Variants in KCTD13 observed in about 807,000 individuals in gnomAD.
The protein encoded by KCTD13 is BTB/POZ domain-containing adapter for CUL3-mediated RhoA degradation protein 1.
KCTD13 carries 15 observed loss-of-function variants against 32.3 expected under a neutral mutation model. The ratio of observed to expected loss-of-function variants is 0.46; its 90% CI spans 0.31 to 0.71. KCTD13 has a LOEUF of 0.71. Ranked by LOEUF, KCTD13 falls within the 30% of genes least tolerant of loss-of-function variation. The probability of loss-of-function intolerance (pLI) is 0.05; values close to 1 mark genes in which losing one functional copy is unlikely to be tolerated. For synonymous variants in KCTD13, 189 were observed against 200.1 expected (o/e 0.94, Z 0.47); for missense variants, 337 against 452.6 (o/e 0.74, Z 2.32).
At chr16:29,923,508 C>T (rs1411315292) in intron 1 of KCTD13, 149 bp from the exon 2 acceptor site, 8 of 651,142 alleles carry the variant, frequency 1.2e-5, no homozygotes, top group African/African-American at 1.1e-4. Flanking sequence ...CCTCCCATCT[C>T]GGCCTCCCAA....
At chr16:29,914,298 C>T (rs1402380507) in intron 2 of KCTD13, 3 of 152,174 alleles carry the variant, frequency 2.0e-5, no homozygotes, top group Non-Finnish European at 4.4e-5. Flanking sequence ...GCCAAATATA[C>T]TCACCACCTT....
rs372116603 is a variant in KCTD13, at chr16:29,926,175, G to C, written c.-142C>G. On this transcript the variant is annotated 5_prime_UTR_variant, in exon 1 of 6. Transcript: ENST00000568000. ...CTCACCGCAGCTACTCTGCAAGACC[G>C]GCCCTCCGCCCCATCTCGCTCGCAC... The C allele has an allele frequency of 4.2e-5, 41 of 986,424 alleles. No individual in the cohort carries two copies. Among genetic ancestry groups the C allele is most frequent in the Non-Finnish European group, 5.1e-5 (37 of 725,920 alleles). The allele number at this position is 986,424 out of a possible 1,614,324, so 61.1% of individuals were successfully genotyped here.
chr16:29,922,865 T>C, intron 2 of KCTD13: 1 of 413,056 alleles, frequency 2.4e-6, no homozygotes, highest in Non-Finnish European at 4.3e-6. Flanking sequence ...CTATTTAGGA[T>C]TTCTAAGCAA....
At chr16:29,922,616 A>C (rs1300295471) in intron 2 of KCTD13, 1 of 162,122 alleles carries the variant, frequency 6.2e-6, no homozygotes, top group Non-Finnish European at 1.3e-5. Flanking sequence ...GGTCCACAAA[A>C]GTGGAGCCTA....
chr16:29,923,895 C>T (rs948989558), intron 1 of KCTD13, among the ~76,000 whole-genome samples: 1 of 151,046 alleles, frequency 6.6e-6, no homozygotes, highest in East Asian at 1.9e-4. Context: ...GAAAAGAAGG[C>T]CGGGCACGGT....
At chr16:29,920,234 G>C (rs912440136) in intron 2 of KCTD13, 1 of 152,148 alleles carries the variant, frequency 6.6e-6, no homozygotes, top group Non-Finnish European at 1.5e-5. Context: ...TGAGGCAGGA[G>C]AATCACTTGA....
chr16:29,916,321 T>G (rs1394728786), intron 2 of KCTD13, among the ~76,000 whole-genome samples: 1 of 151,828 alleles, frequency 6.6e-6, no homozygotes, highest in Non-Finnish European at 1.5e-5. Flanking sequence ...ACTCCTGAAC[T>G]CAAGTGATCC....
intron 2 of KCTD13, among the ~76,000 whole-genome samples, chr16:29,915,724 GATT>G (rs2068798520): frequency 6.6e-6 from 1 of 152,138 alleles, no homozygotes; most frequent in Admixed American, 6.6e-5. Context: ...TCAGAAGCGT[GATT>G]ATTATTTCAT....
chr16:29,911,722 G>GC, intron 4 of KCTD13, 93 bp downstream of exon 4: 5 of 1,352,462 alleles, frequency 3.7e-6, no homozygotes, highest in Admixed American at 1.9e-5. Context: ...GTTCTTGTAG[G>GC]CCCCCCGTGT....
Position 29,923,300 on chromosome 16 carries a change from C to A in KCTD13, c.304G>T (p.Asp102Tyr). 6.2e-7 allele frequency: 1 copy of A among 1,614,172 alleles called. No homozygotes were observed. The highest frequency in any genetic ancestry group is 8.5e-7 in the Non-Finnish European group (1 of 1,180,028). Reference sequence around the variant, plus strand: ...CTCTCCGGCAGTGGCACAGACCCATCCCGCAGGTAATTGAGGATTGTACCA... The same window carrying A: ...CTCTCCGGCAGTGGCACAGACCCATACCGCAGGTAATTGAGGATTGTACCA... Reference protein sequence around the residue: ...HFGTILNYLRDGSVPLPESTR... With the variant: ...HFGTILNYLRYGSVPLPESTR... The change falls in exon 2 of 6, where the codon GAT (aspartate) becomes TAT (tyrosine). Residue 102 changes from aspartate to tyrosine, a missense_variant. By Grantham distance (160) the Asp-to-Tyr change is radical (BLOSUM62 -3). Coordinates refer to ENST00000568000, the MANE Select transcript of KCTD13 (RefSeq NM_178863.5).
At position 29,925,927 on chromosome 16, in the gene KCTD13, A is replaced by G; in HGVS notation, c.107T>C (p.Leu36Pro). The G allele has an allele frequency of 1.2e-6, 2 of 1,613,982 alleles. No homozygotes were observed. ...CTTCACGTATTTGCTGTTCGGGGTC[A>G]GCGGCTTGAGACCGTAGGCGGCGGG... Reference protein sequence around the residue: ...PGPAAYGLKPLTPNSKYVKLN... With the variant: ...PGPAAYGLKPPTPNSKYVKLN... Residue 36 changes from leucine to proline, a missense_variant, in exon 1 of 6, where the codon CTG (leucine) becomes CCG (proline). Transcript: ENST00000568000.
At chr16:29,911,782 G>T in intron 4 of KCTD13, 33 bp downstream of exon 4, 1 of 1,609,972 alleles carries the variant, frequency 6.2e-7, no homozygotes, top group Non-Finnish European at 8.5e-7. Context: ...GCATCCCAGG[G>T]TCCCGCCCAG....
At chr16:29,917,427 G>A (rs2068829655) in intron 2 of KCTD13, among the ~76,000 whole-genome samples, 1 of 151,966 alleles carries the variant, frequency 6.6e-6, no homozygotes, top group Non-Finnish European at 1.5e-5. Context: ...TGGGCAGATC[G>A]CTTGAGCTCA....
chr16:29,921,021 T>C (rs2068901965), intron 2 of KCTD13: 1 of 152,020 alleles, frequency 6.6e-6, no homozygotes, highest in South Asian at 2.1e-4. Context: ...GAACAAAATA[T>C]GGTGAATGAA....
At chr16:29,917,779 GAAAAATA>G (rs2068836017) in intron 2 of KCTD13, among the ~76,000 whole-genome samples, 2 of 149,986 alleles carry the variant, frequency 1.3e-5, no homozygotes, top group African/African-American at 2.4e-5. Flanking sequence ...ACTCCATTTA[GAAAAATA>G]AAAAATAAAA....
intron 2 of KCTD13, among the ~76,000 whole-genome samples, chr16:29,912,612 G>A (rs2068735738): frequency 6.6e-6 from 1 of 151,982 alleles, no homozygotes; most frequent in African/African-American, 2.4e-5. Context: ...AGCTAATTTT[G>A]TATTTTTAGT....
intron 5 of KCTD13, 131 bp downstream of exon 5, chr16:29,910,847 T>G (rs2068694188): frequency 4.0e-6 from 3 of 752,358 alleles, no homozygotes; most frequent in Non-Finnish European, 6.5e-6. Flanking sequence ...CCCACTGTTG[T>G]GCACCCCAGA....
At chr16:29,908,358 CA>C (rs2068648866) in intron 5 of KCTD13, among the ~76,000 whole-genome samples, 2 of 152,042 alleles carry the variant, frequency 1.3e-5, no homozygotes, top group African/African-American at 4.8e-5. Context: ...CAGCTCTTAG[CA>C]AACTGTTTTT....
chr16:29,909,148 C>A (rs567421275), intron 5 of KCTD13, among the ~76,000 whole-genome samples: 1 of 152,278 alleles, frequency 6.6e-6, no homozygotes, highest in Admixed American at 6.5e-5. Flanking sequence ...CATGGCCCTG[C>A]CCTCAAGGAA....
Sources: allele counts gnomAD v4.1 joint callset (sites outside exome capture counted in the v4.1 genomes callset), GRCh38; gene constraint gnomAD v4.1.1; transcripts MANE v1.5; gene names NCBI Gene and HGNC (gene_info 2026-07-23, HGNC 2026-07-21).